The following RBM22 variants were observed in gnomAD, a reference collection of about 807,000 sequenced individuals.
The protein encoded by RBM22 is pre-mRNA-splicing factor RBM22.
Under a neutral mutation model 50.1 loss-of-function variants are expected in RBM22, and 1 was observed. The observed-to-expected ratio is 0.02, with a 90% CI of 0.01 to 0.09. The LOEUF (loss-of-function observed/expected upper bound fraction) is 0.09. Among genes scored for constraint, RBM22 ranks in the 10% least tolerant of loss-of-function variants. The probability of loss-of-function intolerance (pLI) is 1.00; values close to 1 mark genes in which losing one functional copy is unlikely to be tolerated. For synonymous variants in RBM22, 152 were observed against 179.0 expected (o/e 0.85, Z 1.20); for missense variants, 264 against 529.3 (o/e 0.50, Z 4.92).
chr5:150,691,927 A>G, intron 10 of RBM22, 46 bp from the exon 11 acceptor site: 1 of 1,455,502 alleles, frequency 6.9e-7, no homozygotes, highest in Non-Finnish European at 9.1e-7. Context: ...AGTTTCCTTG[A>G]TAACCTTTCA....
intron 2 of RBM22, 110 bp from the exon 3 acceptor site, chr5:150,699,381 T>C (rs1288839509): frequency 7.2e-7 from 1 of 1,394,428 alleles, no homozygotes; most frequent in African/African-American, 1.5e-5. Context: ...ATCCCTGGCA[T>C]CCTAGAGAGA....
intron 9 of RBM22, 36 bp from the exon 10 acceptor site, chr5:150,693,062 G>A (rs770660776): frequency 6.3e-7 from 1 of 1,583,892 alleles, no homozygotes; most frequent in Non-Finnish European, 8.6e-7. Flanking sequence ...ATAGAGGGGA[G>A]AACAATTGTG....
chr5:150,700,970 C>T lies in RBM22; in HGVS notation c.16G>A (p.Gly6Ser). 1.2e-6 allele frequency: 2 copies of T among 1,614,238 alleles called. No homozygotes were observed. The highest frequency in any genetic ancestry group is 1.7e-6 in the Non-Finnish European group (2 of 1,180,040). The change falls in exon 1 of 11, where the codon GGT becomes AGT. Residue 6 changes from glycine (G) to serine (S), a missense_variant. Physicochemically the swap from Gly to Ser is moderately conservative, Grantham distance 56 (BLOSUM62 0). Coordinates refer to ENST00000199814, the MANE Select transcript of RBM22 (RefSeq NM_018047.3). ...TTCTGCCTGTTGTAGGTGTTGGAAC[C>T]CAGAGAGGTCGCCATCTTGAGAGCG... is the stretch of plus-strand genomic sequence containing the variant. MATSL[G>S]SNTYNRQNWE...
At position 150,695,409 on chromosome 5, in the gene RBM22, G is replaced by A. The variant is rs1581546511; in HGVS notation, c.746+97C>T. 1.5e-5 allele frequency: 16 copies of A among 1,078,580 alleles called. No homozygotes were observed. The East Asian group carries it at 3.8e-4, about 26-fold the overall frequency. 66.8% of individuals were successfully genotyped at this position (1,078,580 alleles called of 1,614,324 possible). On this transcript the variant is annotated intron_variant, in intron 7 of 10. Coordinates refer to ENST00000199814, the MANE Select transcript of RBM22 (RefSeq NM_018047.3). ...AACAATAGAGAGACTACAGAAAAAT[G>A]TATTTTGTACAGAATGATCATTCTT...
Position 150,696,428 on chromosome 5 carries a change from T to C in RBM22, c.545+105A>G. Reference sequence around the variant, plus strand: ...GACATGAGGTATACCACATTAGTTGTATGACCTTTAGATTTTAAAGCAGAA... The same window carrying C: ...GACATGAGGTATACCACATTAGTTGCATGACCTTTAGATTTTAAAGCAGAA... On this transcript the variant is annotated intron_variant, in intron 6 of 10. Coordinates refer to ENST00000199814, the MANE Select transcript of RBM22 (RefSeq NM_018047.3). The surrounding 1 kb of genome is among the most constrained non-coding windows in gnomAD (Gnocchi z 4.3). 1 of 1,251,144 alleles carries C rather than the reference T, an allele frequency of 8.0e-7. No individual in the cohort carries two copies. Among genetic ancestry groups the C allele is most frequent in the Non-Finnish European group, 1.1e-6 (1 of 895,632 alleles). The allele number at this position is 1,251,144 out of a possible 1,614,324, so 77.5% of individuals were successfully genotyped here.
At chr5:150,699,153 A>C in intron 3 of RBM22, 89 bp downstream of exon 3, 5 of 1,497,112 alleles carry the variant, frequency 3.3e-6, no homozygotes, top group Non-Finnish European at 4.5e-6. Context: ...TTTTACTGGA[A>C]GACCTCAAAA....
chr5:150,695,588 G>A lies in RBM22; in HGVS notation c.664C>T (p.Arg222Trp), dbSNP rs1759265970. The change falls in exon 7 of 11, where the codon CGG (arginine) becomes TGG (tryptophan). Residue 222 changes from arginine to tryptophan, a missense_variant. By Grantham distance (101) the Arg-to-Trp change is moderately radical. Coordinates refer to ENST00000199814, the MANE Select transcript of RBM22 (RefSeq NM_018047.3). ...KLLKRASTMP[R>W]LDPPEDKTIT... ...GTTTTATCCTCTGGTGGGTCCAGCC[G>A]AGGCATTGTTGAAGCCCGCTTTAGA... 1 of 1,613,848 alleles carries A rather than the reference G, an allele frequency of 6.2e-7. No individual in the cohort carries two copies. Among genetic ancestry groups the A allele is most frequent in the Non-Finnish European group, 8.5e-7 (1 of 1,179,958 alleles).
intron 7 of RBM22, 49 bp from the exon 8 acceptor site, chr5:150,694,289 G>A: frequency 1.3e-6 from 2 of 1,567,226 alleles, no homozygotes; most frequent in Non-Finnish European, 8.7e-7. Context: ...TAAAAAAGAT[G>A]TACCCAGGAG....
chr5:150,699,772 C>G (rs186475306), intron 2 of RBM22, among the ~76,000 whole-genome samples: 28 of 152,334 alleles, frequency 1.8e-4, no homozygotes, highest in African/African-American at 6.7e-4. Context: ...AGAGAGGATA[C>G]AGCTGTGGCC....
At chr5:150,693,575 C>T (rs973686348) in intron 8 of RBM22, among the ~76,000 whole-genome samples, 3 of 152,218 alleles carry the variant, frequency 2.0e-5, no homozygotes, top group Non-Finnish European at 4.4e-5. Context: ...ATAGGGAGCG[C>T]TCCACAAAGG....
chr5:150,694,373 C>G, intron 7 of RBM22, 133 bp from the exon 8 acceptor site: 1 of 1,371,542 alleles, frequency 7.3e-7, no homozygotes, highest in Non-Finnish European at 9.6e-7. Context: ...TAACTACCCG[C>G]AGGTCTCCAC....
chr5:150,698,239 C>T (rs188711188), intron 4 of RBM22, among the ~76,000 whole-genome samples: 53 of 152,300 alleles, frequency 3.5e-4, no homozygotes, highest in African/African-American at 4.3e-4. Flanking sequence ...ATAGGATCAA[C>T]GCCTTTTACC....
chr5:150,695,730 G>C (rs1291987030), intron 6 of RBM22, 24 bp from the exon 7 acceptor site: 1 of 1,564,076 alleles, frequency 6.4e-7, no homozygotes, highest in Non-Finnish European at 8.8e-7. Flanking sequence ...AAAAAACAAG[G>C]CATAAAGGTG....
Position 150,691,730 on chromosome 5 carries a change from C to T in RBM22, c.*21G>A. ...TTTAAGTGCCCTTTCTTCCACAGAG[C>T]CCCAGAGTGGTGACAAGGTGCTAGG... On this transcript the variant is annotated 3_prime_UTR_variant, in exon 11 of 11. Transcript: ENST00000199814. 1 of 1,523,504 alleles carries T rather than the reference C, an allele frequency of 6.6e-7. No individual in the cohort carries two copies. The highest frequency in any genetic ancestry group is 8.8e-7 in the Non-Finnish European group (1 of 1,134,770). The allele number at this position is 1,523,504 out of a possible 1,614,324, so 94.4% of individuals were successfully genotyped here.
Position 150,694,677 on chromosome 5 carries a change from T to C in RBM22, c.747-437A>G, listed in dbSNP as rs79233057. On this transcript the variant is annotated intron_variant, in intron 7 of 10. Transcript: ENST00000199814. ...GCGAAAGTCTGCCAACCCCTGGGGGTTGTCTAGCTCACTTAGATAGGGTTT... is the reference window on the plus strand; with the variant it reads ...GCGAAAGTCTGCCAACCCCTGGGGGCTGTCTAGCTCACTTAGATAGGGTTT... 3.2e-3 allele frequency: 490 copies of C among 154,918 alleles called. 15 individuals carry two copies. The East Asian group carries it at 0.083, about 26-fold the overall frequency. 9.6% of individuals were successfully genotyped at this position (154,918 alleles called of 1,614,324 possible). A position where few individuals can be genotyped will look rare whatever the true frequency, so the allele number is the denominator to read the frequency against.
chr5:150,691,811 G>A lies in RBM22; in HGVS notation c.1203C>T (p.His401=). The A allele has an allele frequency of 6.2e-7, 1 of 1,601,232 alleles. No individual in the cohort carries two copies. Among genetic ancestry groups the A allele is most frequent in the Non-Finnish European group, 8.5e-7 (1 of 1,173,940 alleles). The change falls in exon 11 of 11, where the codon CAC becomes CAT. Residue 401 remains histidine, a synonymous_variant. Coordinates refer to ENST00000199814, the MANE Select transcript of RBM22 (RefSeq NM_018047.3). ...PPFMRAPGPI[H]YPSQDPQRMG... ...TCCTCTGAGGGTCCTGAGAAGGATAGTGGATTGGTCCTGGAGCCCGCATGA... is the reference window on the plus strand; with the variant it reads ...TCCTCTGAGGGTCCTGAGAAGGATAATGGATTGGTCCTGGAGCCCGCATGA...
Position 150,693,310 on chromosome 5 carries a change from G to A in RBM22, c.912-3C>T. The A allele has an allele frequency of 6.2e-7, 1 of 1,611,170 alleles. No homozygotes were observed. The highest frequency in any genetic ancestry group is 8.5e-7 in the Non-Finnish European group (1 of 1,178,420). On this transcript the variant is annotated splice_region_variant and splice_polypyrimidine_tract_variant and intron_variant, in intron 8 of 10. Transcript: ENST00000199814. ...CTTTTCCTCTGGCTGCCTGGGATCT[G>A]GGAAACACACATGCATACAGTCGGC...
chr5:150,699,093 G>T (rs933778696), intron 3 of RBM22, 149 bp downstream of exon 3: 1 of 1,139,520 alleles, frequency 8.8e-7, no homozygotes, highest in Non-Finnish European at 1.2e-6. Context: ...ATAAACAGTT[G>T]CCAGCCAATG....
intron 9 of RBM22, 54 bp downstream of exon 9, chr5:150,693,165 T>C (rs1257765503): frequency 1.3e-6 from 2 of 1,567,406 alleles, no homozygotes; most frequent in East Asian, 2.2e-5. Context: ...TCTTCCAAAA[T>C]AGGAACATCA....
Sources: allele counts gnomAD v4.1 joint callset (sites outside exome capture counted in the v4.1 genomes callset), GRCh38; gene constraint gnomAD v4.1.1; non-coding constraint Gnocchi (gnomAD v3.1); transcripts MANE v1.5; gene names NCBI Gene and HGNC (gene_info 2026-07-23, HGNC 2026-07-21).